SIPA1L3: variants seen among roughly 807,000 people sequenced by gnomAD.
SIPA1L3 encodes the protein signal-induced proliferation-associated 1-like protein 3.
SIPA1L3 carries 59 observed loss-of-function variants against 150.1 expected under a neutral mutation model. The ratio of observed to expected loss-of-function variants is 0.39; its 90% CI spans 0.32 to 0.49. SIPA1L3 has a LOEUF of 0.49. Among genes scored for constraint, SIPA1L3 ranks in the 20% least tolerant of loss-of-function variants. The probability of loss-of-function intolerance (pLI) is 0.86; values close to 1 mark genes in which losing one functional copy is unlikely to be tolerated. For synonymous variants in SIPA1L3, 1,070 were observed against 1,077.6 expected (o/e 0.99, Z 0.14); for missense variants, 2,211 against 2,489.5 (o/e 0.89, Z 2.38).
intron 1 of SIPA1L3, among the ~76,000 whole-genome samples, chr19:38,018,232 C>T (rs551422269): frequency 3.3e-4 from 43 of 131,498 alleles, no homozygotes; most frequent in South Asian, 5.0e-4. Flanking sequence ...GGTATGATCT[C>T]GGCTCATGGT....
chr19:37,919,290 G>A (rs963048452), intron 1 of SIPA1L3, among the ~76,000 whole-genome samples: 9 of 152,154 alleles, frequency 5.9e-5, no homozygotes, highest in Non-Finnish European at 4.4e-5. Context: ...TGTGAGAGAT[G>A]CTCAGTAAGT....
chr19:38,145,018 G>A (rs1971674409), intron 12 of SIPA1L3, among the ~76,000 whole-genome samples: 1 of 152,168 alleles, frequency 6.6e-6, no homozygotes, highest in Non-Finnish European at 1.5e-5. Flanking sequence ...GTGTGTGCGG[G>A]ACATGGGGTG....
chr19:38,158,091 G>A (rs1369526019), intron 13 of SIPA1L3, among the ~76,000 whole-genome samples: 1 of 152,086 alleles, frequency 6.6e-6, no homozygotes, highest in African/African-American at 2.4e-5. Context: ...AAATTAGCCA[G>A]GCATAGTGGC....
intron 2 of SIPA1L3, among the ~76,000 whole-genome samples, chr19:38,051,036 G>A (rs1969186102): frequency 6.6e-6 from 1 of 152,196 alleles, no homozygotes; most frequent in South Asian, 2.1e-4. Flanking sequence ...TCCAGCGTGG[G>A]TGACAGAGCT....
In SIPA1L3 at chr19:38,075,745, A is replaced by G. The variant is rs901953782; in HGVS notation, c.-310-5511A>G. Among the ~76,000 whole-genome samples, 6 of 151,596 alleles carry G rather than the reference A, an allele frequency of 4.0e-5. No homozygotes were observed. In the East Asian group the frequency reaches 1.2e-3, roughly 29 times the overall value. ...CAGTGAGCCGAGATTGTGCCACTGT[A>G]CTCCAGCCTGGGTGACAGAGCAACA... On this transcript the variant is annotated intron_variant, in intron 2 of 21. Coordinates refer to ENST00000222345, the MANE Select transcript of SIPA1L3 (RefSeq NM_015073.3).
intron 1 of SIPA1L3, among the ~76,000 whole-genome samples, chr19:37,959,785 C>A (rs916731623): frequency 7.2e-6 from 1 of 138,072 alleles, no homozygotes; most frequent in Admixed American, 7.1e-5. Flanking sequence ...TCTAGTGTTT[C>A]ATTTTTATTT....
At chr19:38,169,225 C>G (rs1422503635) in intron 15 of SIPA1L3, among the ~76,000 whole-genome samples, 1 of 152,094 alleles carries the variant, frequency 6.6e-6, no homozygotes, top group Non-Finnish European at 1.5e-5. Flanking sequence ...CCCATCTCTA[C>G]TGAAAATACA....
intron 1 of SIPA1L3, among the ~76,000 whole-genome samples, chr19:37,997,717 ATT>A (rs1038229305): frequency 6.6e-6 from 1 of 151,326 alleles, no homozygotes; most frequent in Admixed American, 6.6e-5. Flanking sequence ...AAATACAAAA[ATT>A]ATCTGGGCGC....
At position 38,029,150 on chromosome 19, in the gene SIPA1L3, A is replaced by T. The variant is rs1968585613; in HGVS notation, c.-317A>T. On this transcript the variant is annotated 5_prime_UTR_variant, in exon 2 of 22. Transcript: ENST00000222345. Reference sequence around the variant, plus strand: ...CCAAGAGCACTAGTGTCTAGAAGGCACTAAGGGTGAGTAAGGCGTGGCTGC... The same window carrying T: ...CCAAGAGCACTAGTGTCTAGAAGGCTCTAAGGGTGAGTAAGGCGTGGCTGC... The T allele has an allele frequency of 6.6e-6, 1 of 152,212 alleles. No homozygotes were observed. The highest frequency in any genetic ancestry group is 6.5e-5 in the Admixed American group (1 of 15,276). 9.4% of individuals were successfully genotyped at this position (152,212 alleles called of 1,614,324 possible).
chr19:38,027,949 A>G lies in SIPA1L3; in HGVS notation c.-378-1140A>G, dbSNP rs1296059147. Among the ~76,000 whole-genome samples the G allele has an allele frequency of 2.6e-5, 4 of 151,984 alleles. No individual in the cohort carries two copies. In the East Asian group the frequency reaches 7.8e-4, roughly 29 times the overall value. ...TATCTTCTTCTTGGGTGATCGGGAG[A>G]GTGAAATGAGTCAGCACTTGTCTGC... On this transcript the variant is annotated intron_variant, in intron 1 of 21. Transcript: ENST00000222345.
chr19:38,041,365 G>A lies in SIPA1L3; in HGVS notation c.-311+12209G>A, dbSNP rs141207065. 2.8e-4 allele frequency among the ~76,000 whole-genome samples: 38 copies of A among 133,506 alleles called. No individual in the cohort carries two copies. The East Asian group carries it at 8.0e-3, about 28-fold the overall frequency. The allele number at this position is 133,506 out of a possible 152,430, so 87.6% of individuals were successfully genotyped here. On this transcript the variant is annotated intron_variant, in intron 2 of 21. Coordinates refer to ENST00000222345, the MANE Select transcript of SIPA1L3 (RefSeq NM_015073.3). ...ATGATCTGAGCTCACTGCAACCTCC[G>A]CCTCCCGGGTTCAAGCGATTCTCCT... is the stretch of plus-strand genomic sequence containing the variant.
chr19:37,916,932 C>G (rs1485964220), intron 1 of SIPA1L3, among the ~76,000 whole-genome samples: 3 of 150,744 alleles, frequency 2.0e-5, no homozygotes, highest in African/African-American at 7.3e-5. Flanking sequence ...GCACTCCAGC[C>G]TGGGCAACAG....
intron 4 of SIPA1L3, among the ~76,000 whole-genome samples, chr19:38,098,674 T>G (rs1469781409): frequency 1.3e-5 from 2 of 152,032 alleles, no homozygotes; most frequent in African/African-American, 4.8e-5. Context: ...TTTCCTTTTA[T>G]TAGAGGGAAA....
At position 38,015,841 on chromosome 19, in the gene SIPA1L3, G is replaced by A. The variant is rs574360237; in HGVS notation, c.-378-13248G>A. On this transcript the variant is annotated intron_variant, in intron 1 of 21. Coordinates refer to ENST00000222345, the MANE Select transcript of SIPA1L3 (RefSeq NM_015073.3). Reference sequence around the variant, plus strand: ...GTTCGAAGCAACTCCTGGCTCTAATGGAGGGGCCTCTGGGGACTGTCAGTG... The same window carrying A: ...GTTCGAAGCAACTCCTGGCTCTAATAGAGGGGCCTCTGGGGACTGTCAGTG... Among the ~76,000 whole-genome samples the A allele has an allele frequency of 3.3e-5, 5 of 152,070 alleles. No individual in the cohort carries two copies. In the South Asian group the frequency reaches 1.0e-3, roughly 32 times the overall value.
At chr19:37,982,472 C>T (rs1032369016) in intron 1 of SIPA1L3, among the ~76,000 whole-genome samples, 5 of 152,156 alleles carry the variant, frequency 3.3e-5, no homozygotes, top group Admixed American at 6.5e-5. Context: ...CTTGGTGTTG[C>T]GGTTACTTGA....
At chr19:38,141,987 A>C (rs1270568026) in intron 11 of SIPA1L3, among the ~76,000 whole-genome samples, 3 of 152,100 alleles carry the variant, frequency 2.0e-5, no homozygotes, top group Non-Finnish European at 4.4e-5. Context: ...AAAATAAAAT[A>C]AAATAAAACT....
rs1402010483 is a variant in SIPA1L3, at chr19:38,016,210, G to T, written c.-378-12879G>T. 1.3e-5 allele frequency among the ~76,000 whole-genome samples: 2 copies of T among 152,218 alleles called. 1 individual carries two copies. The highest frequency in any genetic ancestry group is 2.9e-5 in the Non-Finnish European group (2 of 68,036). The stretch of plus-strand genomic sequence containing the variant: ...AAAGCTAGCCCCATCTGGGTTTGTT[G>T]CATGAAGTAACAAATACTCAATTGG... On this transcript the variant is annotated intron_variant, in intron 1 of 21. Coordinates refer to ENST00000222345, the MANE Select transcript of SIPA1L3 (RefSeq NM_015073.3).
intron 1 of SIPA1L3, among the ~76,000 whole-genome samples, chr19:37,920,416 A>G (rs1001190935): frequency 2.6e-5 from 4 of 152,190 alleles, no homozygotes; most frequent in Admixed American, 6.5e-5. Context: ...AACTGTTAAG[A>G]TATCTCGGAT....
rs1048063462 is a variant in SIPA1L3, at chr19:37,995,437, G to A, written c.-378-33652G>A. On this transcript the variant is annotated intron_variant, in intron 1 of 21. Coordinates refer to ENST00000222345, the MANE Select transcript of SIPA1L3 (RefSeq NM_015073.3). ...GCCATGTATTCCCACAGAGCCTGCA[G>A]TTTTAACCCCTGTGCAGTGCTACCT... is the stretch of plus-strand genomic sequence containing the variant. Among the ~76,000 whole-genome samples, 65 of 152,300 alleles carry A rather than the reference G, an allele frequency of 4.3e-4. 2 individuals carry two copies. The highest frequency in any genetic ancestry group is 1.2e-3 in the African/African-American group (50 of 41,554).
Sources: gnomAD v4.1 joint callset for allele counts (sites outside exome capture counted in the v4.1 genomes callset) on GRCh38, gnomAD v4.1.1 for gene constraint, MANE v1.5 for transcripts, NCBI Gene and HGNC (gene_info 2026-07-23, HGNC 2026-07-21) for gene names.